GPATCH2: variants seen among roughly 807,000 people sequenced by gnomAD.
GPATCH2 encodes the protein G patch domain-containing protein 2.
GPATCH2 carries 51 observed loss-of-function variants against 58.0 expected under a neutral mutation model. That is an observed-to-expected ratio of 0.88 (90% confidence interval 0.70 to 1.11). GPATCH2 has a LOEUF of 1.11. Ranked by LOEUF, GPATCH2 falls within the 50% of genes most tolerant of loss-of-function variation. GPATCH2 has a pLI of 0.00. For missense variants in GPATCH2, 625 were observed against 652.2 expected, an observed-to-expected ratio of 0.96 and a Z score of 0.45; for synonymous variants, 222 against 218.5, an observed-to-expected ratio of 1.02 and a Z score of -0.14.
intron 5 of GPATCH2, among the ~76,000 whole-genome samples, chr1:217,549,107 A>C (rs17046596): frequency 0.23 from 34,809 of 152,126 alleles, 4,951 homozygotes; most frequent in East Asian, 0.45. Context: ...GCAGTATCTA[A>C]ACACATTCTT....
At chr1:217,609,023 G>C (rs1159968799) in intron 5 of GPATCH2, 1 of 880,062 alleles carries the variant, frequency 1.1e-6, no homozygotes. Context: ...ATTTAAGTTA[G>C]CCATTAAATG....
At chr1:217,625,713 G>A (rs1412055991) in intron 1 of GPATCH2, among the ~76,000 whole-genome samples, 1 of 152,170 alleles carries the variant, frequency 6.6e-6, no homozygotes, top group Admixed American at 6.5e-5. Context: ...GCCGGAAGCA[G>A]TGATCATGCC....
At chr1:217,445,920 A>C (rs923889001) in intron 9 of GPATCH2, among the ~76,000 whole-genome samples, 3 of 152,152 alleles carry the variant, frequency 2.0e-5, no homozygotes. Context: ...ATTTCATAGG[A>C]GGCTTTAAAT....
intron 7 of GPATCH2, chr1:217,498,119 A>G (rs978812308): frequency 3.3e-6 from 2 of 598,130 alleles, no homozygotes; most frequent in African/African-American, 3.7e-5. Flanking sequence ...GAGTCTTTCC[A>G]TGGAGGTCAC....
intron 5 of GPATCH2, among the ~76,000 whole-genome samples, chr1:217,594,657 A>G (rs541428455): frequency 3.5e-4 from 53 of 152,336 alleles, no homozygotes; most frequent in African/African-American, 1.1e-3. Context: ...TAATTTCTTC[A>G]TACATATTCA....
intron 7 of GPATCH2, among the ~76,000 whole-genome samples, chr1:217,496,787 C>T (rs1662031019): frequency 6.6e-6 from 1 of 152,106 alleles, no homozygotes; most frequent in South Asian, 2.1e-4. Flanking sequence ...CCCCTACAAG[C>T]AATGGTTCAG....
intron 5 of GPATCH2, among the ~76,000 whole-genome samples, chr1:217,567,572 A>G (rs1666311252): frequency 1.3e-5 from 2 of 152,220 alleles, no homozygotes; most frequent in South Asian, 4.1e-4. Flanking sequence ...TTGCTTTATG[A>G]ACACACAGAC....
intron 5 of GPATCH2, among the ~76,000 whole-genome samples, chr1:217,573,237 C>T (rs575253200): frequency 5.3e-5 from 8 of 152,284 alleles, no homozygotes; most frequent in African/African-American, 1.9e-4. Context: ...AAATTAACCC[C>T]ACTATCACAG....
intron 5 of GPATCH2, among the ~76,000 whole-genome samples, chr1:217,583,394 A>ACC (rs1229472032): frequency 6.6e-6 from 1 of 151,694 alleles, no homozygotes; most frequent in Non-Finnish European, 1.5e-5. Context: ...ACATGGTGAA[A>ACC]CCCCGTCTCT....
chr1:217,571,701 A>AC (rs1666549409), intron 5 of GPATCH2, among the ~76,000 whole-genome samples: 1 of 105,526 alleles, frequency 9.5e-6, no homozygotes, highest in Non-Finnish European at 2.1e-5. Flanking sequence ...CAAAAACGAA[A>AC]CCAAAAAAAA....
intron 8 of GPATCH2, among the ~76,000 whole-genome samples, chr1:217,460,414 C>T (rs575415736): frequency 6.6e-5 from 10 of 152,256 alleles, no homozygotes; most frequent in South Asian, 2.1e-4. Context: ...AAAAAAGATA[C>T]GATGTTCATT....
At chr1:217,466,963 A>T (rs1660485809) in intron 8 of GPATCH2, among the ~76,000 whole-genome samples, 1 of 152,196 alleles carries the variant, frequency 6.6e-6, no homozygotes, top group Non-Finnish European at 1.5e-5. Flanking sequence ...GCCTGAGGTC[A>T]GGAGTTTGAG....
At chr1:217,457,412 G>T (rs1659992644) in intron 8 of GPATCH2, among the ~76,000 whole-genome samples, 1 of 152,106 alleles carries the variant, frequency 6.6e-6, no homozygotes, top group Admixed American at 6.5e-5. Flanking sequence ...ATTTCATTTA[G>T]AAATCATTTA....
At chr1:217,628,380 G>A (rs567482913) in intron 1 of GPATCH2, among the ~76,000 whole-genome samples, 8 of 151,946 alleles carry the variant, frequency 5.3e-5, no homozygotes, top group Non-Finnish European at 7.4e-5. Flanking sequence ...ACATAAATAT[G>A]GATGCTAAGA....
chr1:217,449,211 T>C (rs928021952), intron 9 of GPATCH2, 38 bp downstream of exon 9: 3 of 1,018,826 alleles, frequency 2.9e-6, no homozygotes, highest in South Asian at 1.3e-5. Flanking sequence ...TTATGAACTC[T>C]ACATTTGTGC....
At chr1:217,514,503 T>A (rs1197941702) in intron 6 of GPATCH2, among the ~76,000 whole-genome samples, 1 of 152,202 alleles carries the variant, frequency 6.6e-6, no homozygotes, top group African/African-American at 2.4e-5. Flanking sequence ...GGATAGAGAA[T>A]AAGGATGGAG....
intron 1 of GPATCH2, among the ~76,000 whole-genome samples, chr1:217,626,785 C>A (rs897380143): frequency 1.3e-5 from 2 of 151,578 alleles, no homozygotes; most frequent in East Asian, 3.8e-4. Flanking sequence ...ATAACCCTAA[C>A]ACTAAATGTC....
At chr1:217,587,468 G>T (rs1274381279) in intron 5 of GPATCH2, among the ~76,000 whole-genome samples, 1 of 152,058 alleles carries the variant, frequency 6.6e-6, no homozygotes, top group Non-Finnish European at 1.5e-5. Flanking sequence ...AAAGAGACTG[G>T]CAAAATTACA....
chr1:217,618,461 G>C (rs1669005736), intron 2 of GPATCH2, among the ~76,000 whole-genome samples: 1 of 151,906 alleles, frequency 6.6e-6, no homozygotes, highest in Admixed American at 6.6e-5. Context: ...ACCAGCCTCA[G>C]CCTACCAAAG....
Sources: gnomAD v4.1 joint callset for allele counts (sites outside exome capture counted in the v4.1 genomes callset) on GRCh38, gnomAD v4.1.1 for gene constraint, MANE v1.5 for transcripts, NCBI Gene and HGNC (gene_info 2026-07-23, HGNC 2026-07-21) for gene names.